Variants in RIPOR3 observed in about 807,000 individuals in gnomAD.
RIPOR3 encodes family with sequence similarity 65 member C.
RIPOR3 carries 95 observed loss-of-function variants against 114.3 expected under a neutral mutation model. The observed-to-expected ratio is 0.83, with a 90% CI of 0.70 to 0.99. The LOEUF (loss-of-function observed/expected upper bound fraction) is 0.99. RIPOR3 is among the 50% of genes least tolerant of loss of function. The pLI is 0.00. For missense variants in RIPOR3, 1,252 were observed against 1,266.9 expected (o/e 0.99, Z 0.18); for synonymous variants, 575 against 543.8 (o/e 1.06, Z -0.80).
chr20:50,614,450 C>G (rs1266167615), intron 4 of RIPOR3, among the ~76,000 whole-genome samples: 1 of 152,220 alleles, frequency 6.6e-6, no homozygotes, highest in Non-Finnish European at 1.5e-5. Flanking sequence ...TTCTGGGAAA[C>G]ACTGGCTGGG....
Position 50,691,154 on chromosome 20 carries a change from A to G in RIPOR3, c.-26T>C, listed in dbSNP as rs988650906. Reference sequence around the variant, plus strand: ...CGAGCAGGTCTGGACACTCGAGTGCAGTCCCGCCGCCCTCCTTGCAGCTGC... The same window carrying G: ...CGAGCAGGTCTGGACACTCGAGTGCGGTCCCGCCGCCCTCCTTGCAGCTGC... On this transcript the variant is annotated 5_prime_UTR_variant, in exon 1 of 22. Coordinates refer to ENST00000327979, the MANE Select transcript of RIPOR3 (RefSeq NM_001290268.2). 1 of 1,289,324 alleles carries G rather than the reference A, an allele frequency of 7.8e-7. No homozygotes were observed. The highest frequency in any genetic ancestry group is 1.5e-5 in the African/African-American group (1 of 65,876). 79.9% of individuals were successfully genotyped at this position (1,289,324 alleles called of 1,614,324 possible). A position where few individuals can be genotyped will look rare whatever the true frequency, so the allele number is the denominator to read the frequency against.
chr20:50,630,568 T>C (rs1448279103), intron 2 of RIPOR3, among the ~76,000 whole-genome samples, 170 bp downstream of exon 2: 1 of 145,882 alleles, frequency 6.9e-6, no homozygotes, highest in Non-Finnish European at 1.5e-5. Context: ...TCTCTCAATC[T>C]CAATCTCTCT....
intron 19 of RIPOR3, among the ~76,000 whole-genome samples, chr20:50,592,021 G>A (rs1191358437): frequency 6.6e-6 from 1 of 152,202 alleles, no homozygotes; most frequent in African/African-American, 2.4e-5. Context: ...CTTGAACCCA[G>A]GAGGTGGAGG....
At chr20:50,591,719 T>C (rs1190688589) in intron 19 of RIPOR3, among the ~76,000 whole-genome samples, 3 of 152,240 alleles carry the variant, frequency 2.0e-5, no homozygotes, top group Non-Finnish European at 4.4e-5. Context: ...GTCCACTCTC[T>C]TGGTTTTCAA....
At chr20:50,644,844 ATTTTTT>A (rs34862675) in intron 1 of RIPOR3, among the ~76,000 whole-genome samples, 1 of 136,576 alleles carries the variant, frequency 7.3e-6, no homozygotes, top group African/African-American at 2.7e-5. Flanking sequence ...TTTATTTTTT[ATTTTTT>A]TTTTTTGAGA....
At chr20:50,671,982 G>GTGGATGGATGGA (rs71190589) in intron 1 of RIPOR3, among the ~76,000 whole-genome samples, 8 of 137,106 alleles carry the variant, frequency 5.8e-5, no homozygotes, top group African/African-American at 2.2e-4. Context: ...GGATGGGTGC[G>GTGGATGGATGGA]TGGATGGATG....
intron 1 of RIPOR3, among the ~76,000 whole-genome samples, chr20:50,666,183 A>ATTACTTTTCTTTTCTTTTCTTTTCT (rs1555873215): frequency 6.9e-5 from 3 of 43,734 alleles, no homozygotes; most frequent in African/African-American, 1.6e-4. Context: ...AAGGACACCC[A>ATTACTTTTCTTTTCTTTTCTTTTCT]TTTCTTTTCT....
intron 1 of RIPOR3, among the ~76,000 whole-genome samples, chr20:50,642,315 T>C (rs901743226): frequency 1.3e-5 from 2 of 150,994 alleles, no homozygotes; most frequent in Non-Finnish European, 1.5e-5. Flanking sequence ...TCCCAGCCCC[T>C]CACCTTTTAA....
At chr20:50,657,499 T>G (rs1396998343) in intron 1 of RIPOR3, among the ~76,000 whole-genome samples, 1 of 152,024 alleles carries the variant, frequency 6.6e-6, no homozygotes, top group Non-Finnish European at 1.5e-5. Flanking sequence ...TGCACTTTAG[T>G]CTGGGCAACA....
intron 1 of RIPOR3, among the ~76,000 whole-genome samples, chr20:50,689,942 G>A (rs117356565): frequency 2.2e-3 from 331 of 152,310 alleles, no homozygotes; most frequent in Non-Finnish European, 3.5e-3. Flanking sequence ...CCCGATGCCT[G>A]GAACCCCAGG....
At chr20:50,597,444 G>T in intron 14 of RIPOR3, 136 bp downstream of exon 14, 1 of 1,282,882 alleles carries the variant, frequency 7.8e-7, no homozygotes, top group South Asian at 1.4e-5. Flanking sequence ...ATGGGGAAGG[G>T]TGCACGATAG....
At chr20:50,594,521 G>A (rs780478713) in intron 17 of RIPOR3, 32 bp downstream of exon 17, 19 of 1,599,290 alleles carry the variant, frequency 1.2e-5, no homozygotes, top group Admixed American at 3.4e-5. Flanking sequence ...GCCTTTCTGT[G>A]GGAGGGGACG....
At chr20:50,630,544 T>A (rs1211980502) in intron 2 of RIPOR3, among the ~76,000 whole-genome samples, 194 bp downstream of exon 2, 1 of 151,388 alleles carries the variant, frequency 6.6e-6, no homozygotes, top group Non-Finnish European at 1.5e-5. Flanking sequence ...TAAGAAACTC[T>A]GTCTCTCTGT....
chr20:50,604,307 A>G (rs1414546539), intron 12 of RIPOR3, among the ~76,000 whole-genome samples: 1 of 152,330 alleles, frequency 6.6e-6, no homozygotes, highest in East Asian at 1.9e-4. Context: ...ACCCTGATCC[A>G]TGGAGATCAA....
At chr20:50,689,489 GATCTTACTCTCAGAC>G (rs1056313571) in intron 1 of RIPOR3, among the ~76,000 whole-genome samples, 3 of 152,242 alleles carry the variant, frequency 2.0e-5, no homozygotes, top group African/African-American at 4.8e-5. Context: ...CTCCAAACTT[GATCTTACTCTCAGAC>G]ATCTTACTCT....
intron 20 of RIPOR3, among the ~76,000 whole-genome samples, chr20:50,588,943 G>A (rs1341558087): frequency 4.6e-5 from 7 of 151,594 alleles, no homozygotes; most frequent in Admixed American, 3.3e-4. Flanking sequence ...TTAGCCGGGC[G>A]TGGTGGTGGG....
chr20:50,587,973 C>T, intron 20 of RIPOR3, 81 bp from the exon 21 acceptor site: 1 of 1,345,914 alleles, frequency 7.4e-7, no homozygotes, highest in South Asian at 1.2e-5. Flanking sequence ...CCCTGCAGGG[C>T]CAGTCCTAGC....
chr20:50,587,159 A>C lies in RIPOR3; in HGVS notation c.*73T>G. On this transcript the variant is annotated 3_prime_UTR_variant, in exon 22 of 22. Coordinates refer to ENST00000327979, the MANE Select transcript of RIPOR3 (RefSeq NM_001290268.2). ...AGGAGTGCACAGCACCATTACCCAG[A>C]GTGCAGGCTATGTCCAGGCTGGGCA... The C allele has an allele frequency of 8.8e-7, 1 of 1,136,260 alleles. No homozygotes were observed. The highest frequency in any genetic ancestry group is 1.3e-6 in the Non-Finnish European group (1 of 755,486). The allele number at this position is 1,136,260 out of a possible 1,614,324, so 70.4% of individuals were successfully genotyped here.
At chr20:50,676,431 C>T (rs1313795612) in intron 1 of RIPOR3, among the ~76,000 whole-genome samples, 1 of 152,036 alleles carries the variant, frequency 6.6e-6, no homozygotes, top group Non-Finnish European at 1.5e-5. Flanking sequence ...GCAGGAGGTT[C>T]GCTGGAGCCC....
Sources: gnomAD v4.1 joint callset for allele counts (sites outside exome capture counted in the v4.1 genomes callset) on GRCh38, gnomAD v4.1.1 for gene constraint, MANE v1.5 for transcripts, NCBI Gene and HGNC (gene_info 2026-07-23, HGNC 2026-07-21) for gene names.